Variants in NRXN1 observed in about 807,000 individuals in gnomAD.
NRXN1 encodes neurexin-1.
In NRXN1, 39 loss-of-function variants were observed where a neutral mutation model predicts 150.9. The observed-to-expected ratio is 0.26, with a 90% CI of 0.20 to 0.34. The LOEUF is 0.34. NRXN1 is among the 10% of genes least tolerant of loss of function. NRXN1 has a pLI of 1.00. For missense variants in NRXN1, 1,815 were observed against 1,949.9 expected (o/e 0.93, Z 1.30); for synonymous variants, 924 against 757.0 (o/e 1.22, Z -3.62).
chr2:50,535,186 G>T (rs530527322), intron 10 of NRXN1, among the ~76,000 whole-genome samples: 1 of 152,290 alleles, frequency 6.6e-6, no homozygotes, highest in African/African-American at 2.4e-5. Context: ...ACATTTGAAG[G>T]TTATGCTATT....
intron 18 of NRXN1, among the ~76,000 whole-genome samples, chr2:50,170,888 A>C (rs10469873): frequency 4.3e-4 from 65 of 151,876 alleles, no homozygotes; most frequent in African/African-American, 1.5e-3. Flanking sequence ...GGCACCCCCA[A>C]ATTTTAACAA....
intron 21 of NRXN1, among the ~76,000 whole-genome samples, chr2:49,967,258 CT>C (rs1677124544): frequency 6.6e-6 from 1 of 151,992 alleles, no homozygotes; most frequent in African/African-American, 2.4e-5. Flanking sequence ...AAAAAGAACT[CT>C]CTAAAATATG....
intron 18 of NRXN1, among the ~76,000 whole-genome samples, chr2:50,126,479 T>C (rs1704605852): frequency 1.3e-5 from 2 of 148,950 alleles, no homozygotes; most frequent in East Asian, 4.0e-4. Context: ...ATAGTCATCA[T>C]ATTTCCTATG....
chr2:50,354,107 G>T (rs2078616774), intron 17 of NRXN1, among the ~76,000 whole-genome samples: 1 of 152,098 alleles, frequency 6.6e-6, no homozygotes, highest in East Asian at 1.9e-4. Context: ...GCAGATCAGT[G>T]TTCCCTAAGC....
chr2:50,308,130 ACTACTGT>A (rs2074812328), intron 17 of NRXN1, among the ~76,000 whole-genome samples: 1 of 151,970 alleles, frequency 6.6e-6, no homozygotes, highest in Non-Finnish European at 1.5e-5. Flanking sequence ...TTGTCTCCTG[ACTACTGT>A]CTTAGCAGTT....
intron 13 of NRXN1, among the ~76,000 whole-genome samples, chr2:50,505,888 G>A (rs1231404161): frequency 6.6e-6 from 1 of 152,098 alleles, no homozygotes. Flanking sequence ...AGTAAATAAA[G>A]GCAAAAGGAT....
intron 22 of NRXN1, among the ~76,000 whole-genome samples, chr2:49,924,545 A>T (rs558663253): frequency 1.3e-5 from 2 of 152,336 alleles, no homozygotes; most frequent in East Asian, 3.9e-4. Context: ...TTTGTGTTAA[A>T]ATAAGAATGA....
chr2:50,603,565 G>C (rs758726143), intron 8 of NRXN1, among the ~76,000 whole-genome samples: 10 of 152,106 alleles, frequency 6.6e-5, no homozygotes, highest in Non-Finnish European at 1.3e-4. Flanking sequence ...AGATGGTAGT[G>C]GTAGAAAATT....
At chr2:51,009,349 T>A (rs1013039427) in intron 2 of NRXN1, 1 of 151,986 alleles carries the variant, frequency 6.6e-6, no homozygotes, top group Non-Finnish European at 1.5e-5. Flanking sequence ...AACAAATGCA[T>A]ATTTGGAAAC....
intron 5 of NRXN1, among the ~76,000 whole-genome samples, chr2:50,780,639 G>A (rs1376676706): frequency 6.6e-6 from 1 of 151,716 alleles, no homozygotes; most frequent in Non-Finnish European, 1.5e-5. Flanking sequence ...GGTTAGCCTT[G>A]GTCTACTCAT....
At chr2:50,860,034 A>G (rs2106024488) in intron 5 of NRXN1, among the ~76,000 whole-genome samples, 1 of 152,164 alleles carries the variant, frequency 6.6e-6, no homozygotes, top group Admixed American at 6.5e-5. Flanking sequence ...TAATCTTTTA[A>G]AATCTAGTTT....
chr2:50,851,477 C>T (rs1415123814), intron 5 of NRXN1, among the ~76,000 whole-genome samples: 4 of 152,034 alleles, frequency 2.6e-5, no homozygotes. Context: ...GCTGCAATGG[C>T]CTCCTCTCTC....
chr2:50,660,353 T>C (rs1687113055), intron 5 of NRXN1, among the ~76,000 whole-genome samples: 1 of 151,990 alleles, frequency 6.6e-6, no homozygotes, highest in African/African-American at 2.4e-5. Context: ...ACACCCTAAG[T>C]TGCCTGCCTT....
At chr2:49,974,069 G>C (rs1202160406) in intron 21 of NRXN1, 4 of 717,190 alleles carry the variant, frequency 5.6e-6, no homozygotes, top group African/African-American at 3.5e-5. Context: ...AGGAAATTTA[G>C]TCCATCCTCT....
At position 50,293,455 on chromosome 2, in the gene NRXN1, C is replaced by T. The variant is rs188968409; in HGVS notation, c.3365-56485G>A. Among the ~76,000 whole-genome samples the T allele has an allele frequency of 3.7e-3, 563 of 152,196 alleles. 4 individuals carry two copies. The highest frequency in any genetic ancestry group is 0.013 in the African/African-American group (521 of 41,516). On this transcript the variant is annotated intron_variant, in intron 17 of 22. Transcript: ENST00000401669. Reference sequence around the variant, plus strand: ...TACACGGATGCATATCGAAGGTAGCCCTGCATAGGGAAGAAGCGGGGGAGA... The same window carrying T: ...TACACGGATGCATATCGAAGGTAGCTCTGCATAGGGAAGAAGCGGGGGAGA...
chr2:50,388,506 T>A (rs775125512), intron 17 of NRXN1, among the ~76,000 whole-genome samples: 5 of 152,132 alleles, frequency 3.3e-5, no homozygotes, highest in Admixed American at 3.3e-4. Context: ...TTGCCCTGTA[T>A]ACAAACCAGG....
intron 17 of NRXN1, among the ~76,000 whole-genome samples, chr2:50,395,478 T>C (rs760427515): frequency 6.6e-6 from 1 of 151,982 alleles, no homozygotes; most frequent in Non-Finnish European, 1.5e-5. Context: ...AAATGGATTC[T>C]AACGTATATA....
chr2:50,741,724 G>C (rs898126169), intron 5 of NRXN1, among the ~76,000 whole-genome samples: 4 of 152,024 alleles, frequency 2.6e-5, no homozygotes, highest in Non-Finnish European at 4.4e-5. Context: ...CTTCATGCTG[G>C]CTTTCCACAC....
intron 18 of NRXN1, among the ~76,000 whole-genome samples, chr2:50,215,757 G>C (rs1268167569): frequency 6.6e-6 from 1 of 151,894 alleles, no homozygotes; most frequent in African/African-American, 2.4e-5. Flanking sequence ...TCTAAATTAA[G>C]GAATTATTGT....
Sources: allele counts gnomAD v4.1 joint callset (sites outside exome capture counted in the v4.1 genomes callset), GRCh38; gene constraint gnomAD v4.1.1; transcripts MANE v1.5; gene names NCBI Gene and HGNC (gene_info 2026-07-23, HGNC 2026-07-21).